The following GRIK4 variants were observed in gnomAD, a reference collection of about 807,000 sequenced individuals.
GRIK4 encodes glutamate receptor ionotropic, kainate 4.
GRIK4 carries 40 observed loss-of-function variants against 104.9 expected under a neutral mutation model. The observed-to-expected ratio is 0.38, with a 90% CI of 0.30 to 0.50. The LOEUF is 0.50. Among genes scored for constraint, GRIK4 ranks in the 20% least tolerant of loss-of-function variants. The pLI is 0.93. For missense variants in GRIK4, 1,047 were observed against 1,308.1 expected, an observed-to-expected ratio of 0.80 and a Z score of 3.08; for synonymous variants, 485 against 524.9, an observed-to-expected ratio of 0.92 and a Z score of 1.04.
chr11:120,553,591 T>C lies in GRIK4; in HGVS notation c.-159+41704T>C, dbSNP rs371654548. On this transcript the variant is annotated intron_variant, in intron 1 of 20. Transcript: ENST00000527524. The stretch of plus-strand genomic sequence containing the variant: ...AACTGGTTCATTTTCCAAGAGGCTG[T>C]AGGGAAAAGAAGGTTTGACCTGAAC... 1.3e-4 allele frequency among the ~76,000 whole-genome samples: 20 copies of C among 152,154 alleles called. No individual in the cohort carries two copies. The East Asian group carries it at 2.5e-3, about 19-fold the overall frequency.
At chr11:120,634,807 C>T (rs1949377609) in intron 1 of GRIK4, among the ~76,000 whole-genome samples, 1 of 152,174 alleles carries the variant, frequency 6.6e-6, no homozygotes, top group South Asian at 2.1e-4. Flanking sequence ...GCTTCCCTTC[C>T]TCCTCTCTGC....
At chr11:120,829,367 A>G (rs1053847243) in intron 6 of GRIK4, among the ~76,000 whole-genome samples, 3 of 151,798 alleles carry the variant, frequency 2.0e-5, no homozygotes, top group African/African-American at 7.3e-5. Context: ...GGACAAAATG[A>G]GGCTGCCCCC....
intron 8 of GRIK4, among the ~76,000 whole-genome samples, chr11:120,856,507 G>C (rs895981282): frequency 5.3e-5 from 8 of 152,198 alleles, no homozygotes; most frequent in African/African-American, 1.9e-4. Flanking sequence ...ACAACTTCGA[G>C]AGACATTTAA....
intron 1 of GRIK4, among the ~76,000 whole-genome samples, chr11:120,598,074 C>T (rs1948829353): frequency 6.6e-6 from 1 of 152,280 alleles, no homozygotes; most frequent in Non-Finnish European, 1.5e-5. Flanking sequence ...TCCCCTCCTG[C>T]GCTCCCTTGG....
At chr11:120,781,318 G>A (rs1435227336) in intron 3 of GRIK4, among the ~76,000 whole-genome samples, 1 of 151,884 alleles carries the variant, frequency 6.6e-6, no homozygotes, top group Non-Finnish European at 1.5e-5. Flanking sequence ...TGTGGGCATG[G>A]GGTCTGGCAA....
chr11:120,805,930 T>C (rs1952702323), intron 4 of GRIK4, among the ~76,000 whole-genome samples: 1 of 152,208 alleles, frequency 6.6e-6, no homozygotes, highest in African/African-American at 2.4e-5. Context: ...ATTCAGAGCA[T>C]GGGTTTTAGA....
chr11:120,854,551 C>T (rs956942325), intron 8 of GRIK4, among the ~76,000 whole-genome samples: 1 of 152,164 alleles, frequency 6.6e-6, no homozygotes, highest in African/African-American at 2.4e-5. Flanking sequence ...ATGCAGACGC[C>T]GGAGACAGCC....
chr11:120,942,075 G>C (rs1048764697), intron 14 of GRIK4, among the ~76,000 whole-genome samples: 1 of 152,234 alleles, frequency 6.6e-6, no homozygotes, highest in Non-Finnish European at 1.5e-5. Context: ...CAGGACAGCA[G>C]CCTGCCACCC....
chr11:120,800,337 A>C (rs983238959), intron 3 of GRIK4, among the ~76,000 whole-genome samples: 1 of 152,068 alleles, frequency 6.6e-6, no homozygotes, highest in African/African-American at 2.4e-5. Context: ...ACCATTTGAG[A>C]AGCATTCCTC....
chr11:120,530,767 G>A (rs1021841846), intron 1 of GRIK4, among the ~76,000 whole-genome samples: 1 of 152,102 alleles, frequency 6.6e-6, no homozygotes, highest in Non-Finnish European at 1.5e-5. Flanking sequence ...GTTCCGTGAT[G>A]TAGGAAGACA....
In GRIK4 at chr11:120,786,199, G is replaced by A. The variant is rs182855390; in HGVS notation, c.83-16494G>A. On this transcript the variant is annotated intron_variant, in intron 3 of 20. Transcript: ENST00000527524. ...GGGGATCCTCAGCCGCCTCCCTTCC[G>A]GTGGCCTTCTCTCCCACTCCATGTC... Among the ~76,000 whole-genome samples the A allele has an allele frequency of 3.6e-3, 541 of 152,170 alleles. 1 individual carries two copies. Among genetic ancestry groups the A allele is most frequent in the Middle Eastern group, 6.8e-3 (2 of 294 alleles).
Position 120,874,048 on chromosome 11 carries a change from C to A in GRIK4, c.907-18C>A, listed in dbSNP as rs761430782. 1 of 1,591,854 alleles carries A rather than the reference C, an allele frequency of 6.3e-7. No individual in the cohort carries two copies. On this transcript the variant is annotated intron_variant, in intron 9 of 20. Coordinates refer to ENST00000527524, the MANE Select transcript of GRIK4 (RefSeq NM_014619.5). ...ACCTCTCACTCCCTCCCTCCGCCTGCTCCCCGGCCTCTCCCAGCTCTCCTC... is the reference window on the plus strand; with the variant it reads ...ACCTCTCACTCCCTCCCTCCGCCTGATCCCCGGCCTCTCCCAGCTCTCCTC...
chr11:120,534,147 C>T (rs906802424), intron 1 of GRIK4, among the ~76,000 whole-genome samples: 1 of 151,862 alleles, frequency 6.6e-6, no homozygotes, highest in African/African-American at 2.4e-5. Context: ...AATCGCAGGA[C>T]ACCTAGGGGC....
chr11:120,517,369 G>T (rs1030381865), intron 1 of GRIK4, among the ~76,000 whole-genome samples: 1 of 148,948 alleles, frequency 6.7e-6, no homozygotes, highest in Non-Finnish European at 1.5e-5. Flanking sequence ...AGGCTCCTTG[G>T]TGCGATCCTC....
At chr11:120,853,614 T>C (rs1169013199) in intron 8 of GRIK4, among the ~76,000 whole-genome samples, 2 of 152,154 alleles carry the variant, frequency 1.3e-5, no homozygotes, top group Admixed American at 1.3e-4. Flanking sequence ...CATTCTAAAT[T>C]CTAGCTTGAT....
Position 120,713,661 on chromosome 11 carries a change from C to A in GRIK4, c.82+53261C>A, listed in dbSNP as rs564455191. On this transcript the variant is annotated intron_variant, in intron 3 of 20. Transcript: ENST00000527524. The stretch of plus-strand genomic sequence containing the variant: ...GGATTTTTTAAGGGAGGAGGAAAGA[C>A]AAGTGGGGCTGGAACTGGGAAACTC... Among the ~76,000 whole-genome samples, 56 of 152,202 alleles carry A rather than the reference C, an allele frequency of 3.7e-4. 1 individual carries two copies. In the South Asian group the frequency reaches 0.012, roughly 32 times the overall value.
Position 120,758,687 on chromosome 11 carries a change from A to G in GRIK4, c.83-44006A>G, listed in dbSNP as rs1261080614. Among the ~76,000 whole-genome samples, 4 of 152,352 alleles carry G rather than the reference A, an allele frequency of 2.6e-5. No individual in the cohort carries two copies. The East Asian group carries it at 7.7e-4, about 29-fold the overall frequency. On this transcript the variant is annotated intron_variant, in intron 3 of 20. Transcript: ENST00000527524. ...ACCATCTATTAATAATATATAGTCT[A>G]TTCAGGACACTGGAGTGAAACATTA...
At chr11:120,768,881 G>A (rs1951889696) in intron 3 of GRIK4, among the ~76,000 whole-genome samples, 1 of 152,142 alleles carries the variant, frequency 6.6e-6, no homozygotes, top group Non-Finnish European at 1.5e-5. Flanking sequence ...TGCATGCCAG[G>A]CATAAATCCA....
intron 13 of GRIK4, among the ~76,000 whole-genome samples, chr11:120,936,862 GC>G (rs368202266): frequency 6.8e-6 from 1 of 146,444 alleles, no homozygotes; most frequent in Non-Finnish European, 1.5e-5. Flanking sequence ...GCCCCCACCT[GC>G]CCCCCAGGAG....
Sources: allele counts gnomAD v4.1 joint callset (sites outside exome capture counted in the v4.1 genomes callset), GRCh38; gene constraint gnomAD v4.1.1; transcripts MANE v1.5; gene names NCBI Gene and HGNC (gene_info 2026-07-23, HGNC 2026-07-21).